Variants in NXPE2 observed in about 807,000 individuals in gnomAD.
The protein encoded by NXPE2 is NXPE family member 2.
In NXPE2, 34 loss-of-function variants were observed where a neutral mutation model predicts 34.4. That is an observed-to-expected ratio of 0.99 (90% confidence interval 0.75 to 1.31). The LOEUF (loss-of-function observed/expected upper bound fraction) is 1.31, where lower values mean the gene tolerates loss of function less well. Ranked by LOEUF, NXPE2 falls within the 40% of genes most tolerant of loss-of-function variation. The pLI is 0.00. For missense variants in NXPE2, 649 were observed against 672.5 expected (o/e 0.97, Z 0.39); for synonymous variants, 235 against 231.3 (o/e 1.02, Z -0.15).
the NXPE2 span, among the ~76,000 whole-genome samples, chr11:114,539,388 C>A: frequency 1.3e-5 from 2 of 151,986 alleles, no homozygotes; most frequent in East Asian, 1.9e-4. Flanking sequence ...ACATATGTAA[C>A]AAACCTGCAC....
At chr11:114,611,681 G>C in the NXPE2 span, among the ~76,000 whole-genome samples, 7 of 151,900 alleles carry the variant, frequency 4.6e-5, no homozygotes, top group African/African-American at 1.7e-4. Context: ...TGCCTCGTGG[G>C]TAACCACTGT....
chr11:114,615,147 T>A, the NXPE2 span, among the ~76,000 whole-genome samples: 1 of 151,730 alleles, frequency 6.6e-6, no homozygotes, highest in Non-Finnish European at 1.5e-5. Flanking sequence ...TTACCTTGTG[T>A]GTAACCACTC....
chr11:114,484,063 T>C, the NXPE2 span, among the ~76,000 whole-genome samples: 2 of 152,140 alleles, frequency 1.3e-5, no homozygotes, highest in Non-Finnish European at 2.9e-5. Flanking sequence ...CATGGAGAAC[T>C]TGGGAAAGTT....
the NXPE2 span, among the ~76,000 whole-genome samples, chr11:114,523,469 A>G: frequency 3.0e-4 from 46 of 152,180 alleles, no homozygotes; most frequent in Non-Finnish European, 6.3e-4. Context: ...AAAATTCTTT[A>G]CCTTTGTTTC....
At chr11:114,665,143 C>T in the NXPE2 span, among the ~76,000 whole-genome samples, 1 of 152,090 alleles carries the variant, frequency 6.6e-6, no homozygotes, top group African/African-American at 2.4e-5. Flanking sequence ...AGTAGCCTTG[C>T]CACATCTTTC....
At chr11:114,803,366 C>T in the NXPE2 span, among the ~76,000 whole-genome samples, 7 of 152,292 alleles carry the variant, frequency 4.6e-5, no homozygotes, top group South Asian at 1.2e-3. Context: ...ACTTCAGTCG[C>T]TGTATTAGTC....
At chr11:114,573,918 A>G in the NXPE2 span, among the ~76,000 whole-genome samples, 1 of 152,164 alleles carries the variant, frequency 6.6e-6, no homozygotes, top group East Asian at 1.9e-4. Flanking sequence ...CATTCTATTT[A>G]TCAGCACATG....
At chr11:114,678,925 TG>T (rs1001746136) in intron 1 of NXPE2, among the ~76,000 whole-genome samples, 29 of 148,114 alleles carry the variant, frequency 2.0e-4, no homozygotes, top group African/African-American at 5.9e-4. Context: ...TTTTCTGGGG[TG>T]GGGGGGTTGT....
the NXPE2 span, among the ~76,000 whole-genome samples, chr11:114,783,346 C>T: frequency 6.6e-6 from 1 of 152,180 alleles, no homozygotes; most frequent in East Asian, 1.9e-4. Flanking sequence ...CTGAGGGGCC[C>T]TTTTTCTGTG....
At chr11:114,486,786 G>A in the NXPE2 span, among the ~76,000 whole-genome samples, 1 of 152,034 alleles carries the variant, frequency 6.6e-6, no homozygotes, top group Admixed American at 6.6e-5. Context: ...TGGTACCTTT[G>A]TCAAAAATGA....
chr11:114,777,355 C>A, the NXPE2 span, among the ~76,000 whole-genome samples: 1 of 152,196 alleles, frequency 6.6e-6, no homozygotes, highest in African/African-American at 2.4e-5. Context: ...TAGCCCTACT[C>A]TATGCATTTA....
the NXPE2 span, chr11:114,513,276 T>C: frequency 1.5e-5 from 7 of 476,748 alleles, no homozygotes; most frequent in Non-Finnish European, 2.1e-5. Context: ...GCACTGGTGG[T>C]TGTGTTCATG....
the NXPE2 span, among the ~76,000 whole-genome samples, chr11:114,553,272 G>A: frequency 6.6e-6 from 1 of 152,116 alleles, no homozygotes; most frequent in African/African-American, 2.4e-5. Flanking sequence ...TTAGACTGAT[G>A]GACATTCTAG....
At chr11:114,633,937 C>T in the NXPE2 span, among the ~76,000 whole-genome samples, 5 of 152,000 alleles carry the variant, frequency 3.3e-5, no homozygotes, top group African/African-American at 4.8e-5. Context: ...GTGCATGTGT[C>T]TTTATAGCAG....
At chr11:114,583,276 G>A in the NXPE2 span, 1 of 651,678 alleles carries the variant, frequency 1.5e-6, no homozygotes, top group Non-Finnish European at 2.8e-6. Context: ...AGGGCACCAG[G>A]AGGAAAGTCT....
chr11:114,790,276 C>A, the NXPE2 span, among the ~76,000 whole-genome samples: 63 of 152,312 alleles, frequency 4.1e-4, no homozygotes, highest in African/African-American at 1.5e-3. Context: ...GTTTCTCTCT[C>A]TGGTTAGCAT....
the NXPE2 span, among the ~76,000 whole-genome samples, chr11:114,736,497 G>C: frequency 6.6e-6 from 1 of 152,320 alleles, no homozygotes. Context: ...CTGGCAGTCA[G>C]AGTTTAAGGT....
At chr11:114,770,467 A>T in the NXPE2 span, among the ~76,000 whole-genome samples, 21 of 152,264 alleles carry the variant, frequency 1.4e-4, no homozygotes, top group African/African-American at 5.1e-4. Flanking sequence ...GTCCAGAGGC[A>T]GTAAAATAAA....
chr11:114,622,403 A>C, the NXPE2 span, among the ~76,000 whole-genome samples: 1 of 150,960 alleles, frequency 6.6e-6, no homozygotes, highest in African/African-American at 2.4e-5. Flanking sequence ...GTGGGTAACC[A>C]CTGTTACCCG....
Sources: allele counts gnomAD v4.1 joint callset (sites outside exome capture counted in the v4.1 genomes callset), GRCh38; gene constraint gnomAD v4.1.1; transcripts MANE v1.5; gene names NCBI Gene and HGNC (gene_info 2026-07-23, HGNC 2026-07-21).